Variants in NUCKS1 observed in about 807,000 individuals in gnomAD.
NUCKS1 encodes the protein nuclear casein kinase and cyclin dependent kinase substrate 1.
In NUCKS1, 2 loss-of-function variants were observed where a neutral mutation model predicts 33.0. That is an observed-to-expected ratio of 0.06 (90% CI 0.02 to 0.19). The LOEUF is 0.19. Among genes scored for constraint, NUCKS1 ranks in the 10% least tolerant of loss-of-function variants. The pLI is 1.00. For synonymous variants in NUCKS1, 106 were observed against 102.8 expected (o/e 1.03, Z -0.19); for missense variants, 201 against 293.6 (o/e 0.68, Z 2.31).
Position 205,717,708 on chromosome 1 carries a change from T to A in NUCKS1, c.*572A>T, listed in dbSNP as rs1405163394. On this transcript the variant is annotated 3_prime_UTR_variant, in exon 7 of 7. Transcript: ENST00000367142. ...TCATCTTTATCTCCTACCTGCCTCA[T>A]CGGTGGAAGTTTAAAGTCATGATTT... 2.0e-5 allele frequency: 20 copies of A among 985,234 alleles called. No homozygotes were observed. The highest frequency in any genetic ancestry group is 2.4e-5 in the Non-Finnish European group (20 of 829,936). The allele number at this position is 985,234 out of a possible 1,614,324, so 61.0% of individuals were successfully genotyped here.
At chr1:205,746,107 C>T (rs1289664511) in intron 1 of NUCKS1, among the ~76,000 whole-genome samples, 1 of 151,922 alleles carries the variant, frequency 6.6e-6, no homozygotes, top group Non-Finnish European at 1.5e-5. Flanking sequence ...ACCAGCCTGG[C>T]CAACATGGTG....
At chr1:205,740,529 C>T (rs996147397) in intron 1 of NUCKS1, among the ~76,000 whole-genome samples, 34 of 151,880 alleles carry the variant, frequency 2.2e-4, no homozygotes, top group Admixed American at 6.6e-4. Flanking sequence ...GTGGGAGGAT[C>T]GCTTGAGCCC....
intron 1 of NUCKS1, among the ~76,000 whole-genome samples, chr1:205,737,754 T>C (rs757650706): frequency 2.0e-5 from 3 of 152,226 alleles, no homozygotes; most frequent in Non-Finnish European, 2.9e-5. Flanking sequence ...TTCCCAGGAA[T>C]CATAAAATTA....
intron 1 of NUCKS1, among the ~76,000 whole-genome samples, chr1:205,736,100 TG>T (rs1258771322): frequency 1.3e-5 from 2 of 152,106 alleles, no homozygotes; most frequent in Non-Finnish European, 2.9e-5. Context: ...TACAGGTGTG[TG>T]TCACAACAGC....
chr1:205,723,524 G>A (rs1671956184), intron 4 of NUCKS1, among the ~76,000 whole-genome samples: 1 of 151,972 alleles, frequency 6.6e-6, no homozygotes, highest in African/African-American at 2.4e-5. Context: ...TCCACCCAGA[G>A]TCCACCACTC....
In NUCKS1 at chr1:205,717,453, T is replaced by C. The variant is rs1272859382; in HGVS notation, c.*827A>G. On this transcript the variant is annotated 3_prime_UTR_variant, in exon 7 of 7. Transcript: ENST00000367142. Reference sequence around the variant, plus strand: ...ATCCAAAAAACAGGATACATATATATTTAGAGAAGGAAATATGAAATCAAG... The same window carrying C: ...ATCCAAAAAACAGGATACATATATACTTAGAGAAGGAAATATGAAATCAAG... 3.0e-6 allele frequency: 3 copies of C among 984,676 alleles called. No individual in the cohort carries two copies. Among genetic ancestry groups the C allele is most frequent in the East Asian group, 1.1e-4 (1 of 8,800 alleles). 61.0% of individuals were successfully genotyped at this position (984,676 alleles called of 1,614,324 possible). A position where few individuals can be genotyped will look rare whatever the true frequency, so the allele number is the denominator to read the frequency against.
chr1:205,719,484 AT>A, intron 6 of NUCKS1, 42 bp downstream of exon 6: 1 of 1,561,380 alleles, frequency 6.4e-7, no homozygotes, highest in Non-Finnish European at 8.6e-7. Context: ...GATTCTCAAA[AT>A]TTTTAAAGCA....
intron 1 of NUCKS1, among the ~76,000 whole-genome samples, chr1:205,732,992 T>C (rs1653952824): frequency 6.6e-6 from 1 of 152,018 alleles, no homozygotes; most frequent in South Asian, 2.1e-4. Flanking sequence ...AACACGACCA[T>C]TTTCTGTATT....
chr1:205,734,654 G>A (rs1324167257), intron 1 of NUCKS1, among the ~76,000 whole-genome samples: 1 of 152,216 alleles, frequency 6.6e-6, no homozygotes, highest in Non-Finnish European at 1.5e-5. Flanking sequence ...AGCACTTTGG[G>A]AGGCCAAGGT....
chr1:205,733,551 G>T (rs1653965070), intron 1 of NUCKS1, among the ~76,000 whole-genome samples: 1 of 152,016 alleles, frequency 6.6e-6, no homozygotes, highest in South Asian at 2.1e-4. Flanking sequence ...TTCTTCCTCT[G>T]TTGGAACTGA....
chr1:205,724,520 C>T (rs544840215), intron 3 of NUCKS1, among the ~76,000 whole-genome samples: 1 of 152,134 alleles, frequency 6.6e-6, no homozygotes, highest in African/African-American at 2.4e-5. Flanking sequence ...ATGGTGAAAC[C>T]CTGTCTCTAC....
intron 2 of NUCKS1, among the ~76,000 whole-genome samples, chr1:205,728,507 C>T (rs1653830579): frequency 6.6e-6 from 1 of 152,132 alleles, no homozygotes; most frequent in African/African-American, 2.4e-5. Flanking sequence ...GTATATCACA[C>T]ATTAACAGAT....
At chr1:205,742,842 T>C (rs538615516) in intron 1 of NUCKS1, among the ~76,000 whole-genome samples, 82 of 151,844 alleles carry the variant, frequency 5.4e-4, no homozygotes, top group Non-Finnish European at 9.3e-4. Context: ...AAAAAATAAA[T>C]AAATAAACAA....
Position 205,719,579 on chromosome 1 carries a change from G to A in NUCKS1, c.480C>T (p.Ser160=), listed in dbSNP as rs1376006565. ...KKKNKKMVKK[S]KPERKEKKMP... ...TTTTCTTTTCTTTTCTTTCAGGTTT[G>A]GACTTCTTAACCATCTTTTTGTTTT... is the stretch of plus-strand genomic sequence containing the variant. Residue 160 remains serine (S), a synonymous_variant, in exon 6 of 7, where the codon TCC becomes TCT. Coordinates refer to ENST00000367142, the MANE Select transcript of NUCKS1 (RefSeq NM_022731.5). The A allele has an allele frequency of 6.2e-7, 1 of 1,613,166 alleles. No individual in the cohort carries two copies. The highest frequency in any genetic ancestry group is 1.7e-5 in the Admixed American group (1 of 59,938).
intron 3 of NUCKS1, among the ~76,000 whole-genome samples, chr1:205,726,789 C>T (rs184627820): frequency 5.3e-5 from 8 of 152,056 alleles, no homozygotes; most frequent in Admixed American, 2.0e-4. Flanking sequence ...TGATAGTGTA[C>T]GTAAAACACA....
At chr1:205,723,778 G>T in intron 4 of NUCKS1, 148 bp downstream of exon 4, 1 of 598,488 alleles carries the variant, frequency 1.7e-6, no homozygotes, top group Non-Finnish European at 3.0e-6. Flanking sequence ...CACCAGGACT[G>T]ACAATCATTA....
At chr1:205,719,438 C>A in intron 6 of NUCKS1, 89 bp downstream of exon 6, 2 of 1,390,288 alleles carry the variant, frequency 1.4e-6, no homozygotes, top group Non-Finnish European at 2.0e-6. Flanking sequence ...AGGCCAATGC[C>A]AAATCCTAAT....
chr1:205,718,587 T>C (rs1671869504), intron 6 of NUCKS1, 108 bp from the exon 7 acceptor site: 1 of 1,501,046 alleles, frequency 6.7e-7, no homozygotes, highest in East Asian at 2.3e-5. Flanking sequence ...AAAGACAATA[T>C]GCAACTTACT....
intron 1 of NUCKS1, among the ~76,000 whole-genome samples, chr1:205,747,384 GT>G (rs1654358572): frequency 6.6e-6 from 1 of 152,132 alleles, no homozygotes; most frequent in African/African-American, 2.4e-5. Flanking sequence ...TCATTTAACA[GT>G]CGGCCACTGC....
Sources: allele counts gnomAD v4.1 joint callset (sites outside exome capture counted in the v4.1 genomes callset), GRCh38; gene constraint gnomAD v4.1.1; transcripts MANE v1.5; gene names NCBI Gene and HGNC (gene_info 2026-07-23, HGNC 2026-07-21).